The following SVIL variants were observed in gnomAD, a reference collection of about 807,000 sequenced individuals.
SVIL encodes the protein archvillin.
Under a neutral mutation model 240.4 loss-of-function variants are expected in SVIL, and 101 were observed. That is an observed-to-expected ratio of 0.42 (90% CI 0.36 to 0.50). SVIL has a LOEUF of 0.50. Ranked by LOEUF, SVIL falls within the 20% of genes least tolerant of loss-of-function variation. The pLI, the probability that SVIL is intolerant of heterozygous loss-of-function variation, is 0.01. For synonymous variants in SVIL, 999 were observed against 1,100.0 expected, an observed-to-expected ratio of 0.91 and a Z score of 1.82; for missense variants, 2,512 against 2,818.7, an observed-to-expected ratio of 0.89 and a Z score of 2.46.
intron 29 of SVIL, among the ~76,000 whole-genome samples, chr10:29,474,210 G>A (rs971553064): frequency 3.3e-5 from 5 of 152,182 alleles, no homozygotes; most frequent in Non-Finnish European, 5.9e-5. Context: ...TTCCCACAGG[G>A]AGAAAAGGGA....
Position 29,533,359 on chromosome 10 carries a change from T to C in SVIL, c.1008A>G (p.Pro336=), listed in dbSNP as rs1420753056. 1.2e-6 allele frequency: 2 copies of C among 1,614,204 alleles called. No individual in the cohort carries two copies. The highest frequency in any genetic ancestry group is 3.3e-5 in the Admixed American group (2 of 60,022). The part of the protein sequence containing the change: ...SVTQRRHQPA[P]VHYVSFQSEH... ...CAGACTGAAATGACACGTAATGGACTGGCGCTGGCTGGTGTCTCCTCTGAG... is the reference window on the plus strand; with the variant it reads ...CAGACTGAAATGACACGTAATGGACCGGCGCTGGCTGGTGTCTCCTCTGAG... The change falls in exon 8 of 38, where the codon CCA becomes CCG. Residue 336 remains proline (P), a synonymous_variant. Transcript: ENST00000355867.
intron 1 of SVIL, among the ~76,000 whole-genome samples, chr10:29,574,539 A>C (rs962457902): frequency 5.3e-5 from 8 of 152,156 alleles, no homozygotes; most frequent in Admixed American, 2.0e-4. Context: ...AAGACTGGAG[A>C]CGAAGGGGCC....
In SVIL at chr10:29,625,136, A is replaced by G. The variant is rs575266634; in HGVS notation, c.-201+9284T>C. Among the ~76,000 whole-genome samples, 4 of 152,258 alleles carry G rather than the reference A, an allele frequency of 2.6e-5. No homozygotes were observed. In the South Asian group the frequency reaches 8.3e-4, roughly 32 times the overall value. The stretch of plus-strand genomic sequence containing the variant: ...TCAGTTGTAAGTTACATTCTCTGAC[A>G]TGATTAGTGACACACAATAGTTCAT... On this transcript the variant is annotated intron_variant, in intron 1 of 37. Coordinates refer to ENST00000355867, the MANE Select transcript of SVIL (RefSeq NM_021738.3).
intron 18 of SVIL, 54 bp from the exon 19 acceptor site, chr10:29,495,235 T>C (rs28644350): frequency 0.011 from 10,490 of 948,548 alleles, 207 homozygotes; most frequent in East Asian, 0.034. Flanking sequence ...TCTGGAAATC[T>C]CCGGGACCCT....
chr10:29,495,246 G>A (rs1948337637), intron 18 of SVIL, 65 bp from the exon 19 acceptor site: 7 of 995,346 alleles, frequency 7.0e-6, no homozygotes, highest in Non-Finnish European at 1.0e-5. Flanking sequence ...CCGGGACCCT[G>A]GTGGATCTCC....
chr10:29,639,166 T>C (rs1044416186), upstream of SVIL, among the ~76,000 whole-genome samples: 5 of 152,104 alleles, frequency 3.3e-5, no homozygotes, highest in East Asian at 1.9e-4. Context: ...ACTCTTCCCC[T>C]TTCTTTTTTG....
intron 17 of SVIL, among the ~76,000 whole-genome samples, chr10:29,504,200 A>G (rs1428620064): frequency 6.6e-6 from 1 of 152,248 alleles, no homozygotes; most frequent in Non-Finnish European, 1.5e-5. Context: ...CTAAAAATGG[A>G]TCACAAAAGC....
In SVIL at chr10:29,467,869, G is replaced by C. The variant is rs745455688; in HGVS notation, c.5850C>G (p.Pro1950=). Residue 1950 remains proline, a synonymous_variant, in exon 33 of 38, where the codon CCC becomes CCG. Transcript: ENST00000355867. ...TGCTACTATGCAGTCCTGCTTCCAG[G>C]GGACATCTGCAAGGGAGAAACTCCA... The part of the protein sequence containing the change: ...TAANKIKEQC[P]LEAGLHSSSK... 2 of 1,614,068 alleles carry C rather than the reference G, an allele frequency of 1.2e-6. No homozygotes were observed. The highest frequency in any genetic ancestry group is 1.7e-5 in the Admixed American group (1 of 60,016).
intron 1 of SVIL, among the ~76,000 whole-genome samples, chr10:29,598,572 C>A (rs145082286): frequency 1.8e-4 from 28 of 152,302 alleles, no homozygotes; most frequent in African/African-American, 6.7e-4. Flanking sequence ...AAATGACCAA[C>A]CTGAGCTGCA....
chr10:29,704,440 T>C (rs1269289020), intron 1 of SVIL, among the ~76,000 whole-genome samples: 1 of 152,120 alleles, frequency 6.6e-6, no homozygotes, highest in Non-Finnish European at 1.5e-5. Flanking sequence ...TCTCTTTTTT[T>C]CTGTAGAGAT....
chr10:29,550,936 G>T lies in SVIL; in HGVS notation c.488C>A (p.Ala163Asp), dbSNP rs749064951. ...SDKQEESSRD[A>D]SSLYPGTETM... ...CTCGGTCCCGGGGTACAGAGAACTA[G>T]CATCTCTGCTTGACTCTTCCTGTTT... The change falls in exon 6 of 38, where the codon GCT (alanine) becomes GAT (aspartate). Residue 163 changes from alanine (A) to aspartate (D), a missense_variant. By Grantham distance (126) the Ala-to-Asp change is moderately radical (BLOSUM62 -2). This residue lies in a region of SVIL where 1,443 missense variants were observed against 1,486.6 expected (regional missense o/e 0.97). Transcript: ENST00000355867. 1.9e-6 allele frequency: 3 copies of T among 1,614,038 alleles called. No homozygotes were observed. The East Asian group carries it at 6.7e-5, about 36-fold the overall frequency.
chr10:29,550,982 T>A lies in SVIL; in HGVS notation c.442A>T (p.Lys148Ter). Residue 148 changes from lysine (K) to a stop codon, truncating the protein, a stop_gained, in exon 6 of 38, where the codon AAG (lysine) becomes TAG (stop). Coordinates refer to ENST00000355867, the MANE Select transcript of SVIL (RefSeq NM_021738.3). LOFTEE classifies it high-confidence loss of function. ...KSRKEPDAVE[K>*]RGGKSDKQEE... ...TGTTTGTCACTTTTTCCTCCCCGCT[T>A]CTCGACAGCATCAGGCTCCTTCCTG... 3 of 1,614,094 alleles carry A rather than the reference T, an allele frequency of 1.9e-6. No homozygotes were observed. The highest frequency in any genetic ancestry group is 2.5e-6 in the Non-Finnish European group (3 of 1,180,024).
chr10:29,465,807 G>C (rs1383534590), intron 33 of SVIL, 57 bp from the exon 34 acceptor site: 6 of 1,551,206 alleles, frequency 3.9e-6, no homozygotes, highest in Non-Finnish European at 5.3e-6. Flanking sequence ...GTAAATTCCA[G>C]ATGAAGAATG....
rs774290031 is a variant in SVIL at position 29,484,753 on chromosome 10, A to G, written c.4858T>C (p.Phe1620Leu). 15 of 1,613,852 alleles carry G rather than the reference A, an allele frequency of 9.3e-6. No individual in the cohort carries two copies. Among genetic ancestry groups the G allele is most frequent in the Non-Finnish European group, 1.3e-5 (15 of 1,179,954 alleles). ...TTCCATAAGTGCTTTGCCAGCTGAA[A>G]TGCTATTTTTCGTTGTGCTAATGTG... Reference protein sequence around the residue: ...EVTLAQRKIAFQLAKHLWNGT... With the variant: ...EVTLAQRKIALQLAKHLWNGT... The change falls in exon 27 of 38, where the codon TTT (phenylalanine) becomes CTT (leucine). Residue 1620 changes from phenylalanine to leucine, a missense_variant. Physicochemically the swap from Phe to Leu is conservative, Grantham distance 22 (BLOSUM62 0). This residue lies in a region of SVIL where 797 missense variants were observed against 925.3 expected (regional missense o/e 0.86). Transcript: ENST00000355867. The surrounding 1 kb of genome is among the most constrained non-coding windows in gnomAD (Gnocchi z 4.7).
chr10:29,701,561 A>G (rs1272399905), intron 1 of SVIL, among the ~76,000 whole-genome samples: 1 of 152,126 alleles, frequency 6.6e-6, no homozygotes, highest in African/African-American at 2.4e-5. Context: ...GAAAATTTTA[A>G]TTTTCCCTAT....
At chr10:29,498,796 C>T (rs113824076) in intron 18 of SVIL, among the ~76,000 whole-genome samples, 2,305 of 152,176 alleles carry the variant, frequency 0.015, 46 homozygotes, top group African/African-American at 0.053. Context: ...GCCTGGGCAA[C>T]ACAGCGACAC....
intron 1 of SVIL, among the ~76,000 whole-genome samples, chr10:29,607,941 A>G (rs973421367): frequency 1.3e-5 from 2 of 152,260 alleles, no homozygotes; most frequent in Non-Finnish European, 2.9e-5. Context: ...AGAAAGCTAA[A>G]CTTTCTCTAA....
chr10:29,573,510 T>C (rs1955542688), intron 1 of SVIL, among the ~76,000 whole-genome samples: 1 of 152,134 alleles, frequency 6.6e-6, no homozygotes, highest in Non-Finnish European at 1.5e-5. Context: ...AAAATTTTCA[T>C]TTACTCTCCA....
chr10:29,481,530 T>C, intron 28 of SVIL, 54 bp downstream of exon 28: 1 of 1,607,102 alleles, frequency 6.2e-7, no homozygotes, highest in East Asian at 2.2e-5. Flanking sequence ...TGAAGGCCAC[T>C]TTTATTGGGA....
Sources: gnomAD v4.1 joint callset for allele counts (sites outside exome capture counted in the v4.1 genomes callset) on GRCh38, gnomAD v4.1.1 for gene constraint, gnomAD v4.1.1 regional missense constraint, Gnocchi (gnomAD v3.1) non-coding constraint, MANE v1.5 for transcripts, NCBI Gene and HGNC (gene_info 2026-07-23, HGNC 2026-07-21) for gene names.